Variants in ZNF804A observed in about 807,000 individuals in gnomAD.
ZNF804A encodes the protein zinc finger protein 804A.
Under a neutral mutation model 16.5 loss-of-function variants are expected in ZNF804A, and 2 were observed. The ratio of observed to expected loss-of-function variants is 0.12; its 90% confidence interval spans 0.05 to 0.38. The LOEUF (loss-of-function observed/expected upper bound fraction) is 0.38, where lower values mean the gene tolerates loss of function less well. Among genes scored for constraint, ZNF804A ranks in the 10% least tolerant of loss-of-function variants. The pLI is 0.99. For synonymous variants in ZNF804A, 534 were observed against 489.6 expected (o/e 1.09, Z -1.20); for missense variants, 1,473 against 1,390.7 (o/e 1.06, Z -0.94).
rs184359125 is a variant in ZNF804A, at chr2:184,637,468, C to T, written c.111+38398C>T. ...GCTGCAAAAGATGTTTTCTGTTTAA[C>T]GACAATTTAACATTTTATTGCTGTA... On this transcript the variant is annotated intron_variant, in intron 1 of 3. Transcript: ENST00000302277. Among the ~76,000 whole-genome samples the T allele has an allele frequency of 1.4e-3, 208 of 152,130 alleles. 3 individuals carry two copies. The Middle Eastern group carries it at 0.041, about 30-fold the overall frequency.
chr2:184,681,170 C>G (rs1692532836), intron 1 of ZNF804A, among the ~76,000 whole-genome samples: 1 of 152,156 alleles, frequency 6.6e-6, no homozygotes. Flanking sequence ...GGAATGAGCC[C>G]AGTGGGCCCA....
At chr2:184,616,489 A>G (rs1691322180) in intron 1 of ZNF804A, among the ~76,000 whole-genome samples, 1 of 152,164 alleles carries the variant, frequency 6.6e-6, no homozygotes, top group African/African-American at 2.4e-5. Flanking sequence ...CTGGCATATA[A>G]TAAAAGCTAT....
intron 1 of ZNF804A, among the ~76,000 whole-genome samples, chr2:184,662,651 C>A (rs1199554750): frequency 6.6e-6 from 1 of 152,002 alleles, no homozygotes; most frequent in African/African-American, 2.4e-5. Context: ...AAATTCATAC[C>A]AAAATAATTT....
intron 2 of ZNF804A, among the ~76,000 whole-genome samples, chr2:184,890,808 T>G (rs1020675381): frequency 6.6e-6 from 1 of 150,728 alleles, no homozygotes; most frequent in African/African-American, 2.4e-5. Flanking sequence ...TATATCTGAT[T>G]TATTATATTC....
intron 2 of ZNF804A, among the ~76,000 whole-genome samples, chr2:184,908,334 G>A (rs1221293292): frequency 6.6e-6 from 1 of 151,944 alleles, no homozygotes; most frequent in Non-Finnish European, 1.5e-5. Flanking sequence ...CTCAAGCTCT[G>A]CTTCTGCCAC....
At chr2:184,760,122 T>G (rs1694019675) in intron 1 of ZNF804A, among the ~76,000 whole-genome samples, 1 of 152,122 alleles carries the variant, frequency 6.6e-6, no homozygotes, top group South Asian at 2.1e-4. Context: ...CCATTTTCAC[T>G]TCTTTTGTGA....
At chr2:184,728,230 G>A (rs1398371543) in intron 1 of ZNF804A, among the ~76,000 whole-genome samples, 4 of 151,742 alleles carry the variant, frequency 2.6e-5, no homozygotes, top group South Asian at 4.1e-4. Context: ...TCTGAATTCC[G>A]AATATGAACA....
intron 2 of ZNF804A, among the ~76,000 whole-genome samples, chr2:184,884,067 C>T (rs930489870): frequency 6.6e-6 from 1 of 152,118 alleles, no homozygotes; most frequent in Non-Finnish European, 1.5e-5. Context: ...TCCATAGTCT[C>T]TGCCCCAAAG....
chr2:184,757,159 T>C (rs1023912016), intron 1 of ZNF804A, among the ~76,000 whole-genome samples: 4 of 152,032 alleles, frequency 2.6e-5, no homozygotes, highest in Non-Finnish European at 2.9e-5. Flanking sequence ...TGACCACATC[T>C]TTAATATTGT....
At chr2:184,682,094 T>C (rs1692551688) in intron 1 of ZNF804A, among the ~76,000 whole-genome samples, 1 of 151,946 alleles carries the variant, frequency 6.6e-6, no homozygotes, top group South Asian at 2.1e-4. Flanking sequence ...GAGGGCTGAG[T>C]CTTCGCATGG....
intron 1 of ZNF804A, among the ~76,000 whole-genome samples, chr2:184,806,936 A>T (rs1694816520): frequency 6.6e-6 from 1 of 151,840 alleles, no homozygotes; most frequent in Non-Finnish European, 1.5e-5. Context: ...TCATATTTGT[A>T]TGAAAATTCT....
chr2:184,852,713 C>T (rs561078864), intron 1 of ZNF804A, among the ~76,000 whole-genome samples: 1 of 151,740 alleles, frequency 6.6e-6, no homozygotes, highest in African/African-American at 2.4e-5. Flanking sequence ...CTATCCTTTC[C>T]CCATTGTGTG....
intron 1 of ZNF804A, among the ~76,000 whole-genome samples, chr2:184,776,794 C>T (rs1223705747): frequency 2.6e-5 from 4 of 151,580 alleles, no homozygotes; most frequent in African/African-American, 9.7e-5. Flanking sequence ...GTTATCCTAA[C>T]ATTGCTTAGC....
At chr2:184,798,259 GC>G (rs1694669418) in intron 1 of ZNF804A, among the ~76,000 whole-genome samples, 1 of 151,708 alleles carries the variant, frequency 6.6e-6, no homozygotes, top group Non-Finnish European at 1.5e-5. Context: ...TGTTCTTTGT[GC>G]TTTTTTTTAT....
chr2:184,756,417 G>C (rs1337418172), intron 1 of ZNF804A, among the ~76,000 whole-genome samples: 7 of 151,782 alleles, frequency 4.6e-5, no homozygotes, highest in African/African-American at 1.7e-4. Flanking sequence ...ATATGTTTCT[G>C]TAACTAAAGA....
At chr2:184,877,539 C>T (rs1684728426) in intron 2 of ZNF804A, among the ~76,000 whole-genome samples, 2 of 151,842 alleles carry the variant, frequency 1.3e-5, no homozygotes, top group Admixed American at 1.3e-4. Flanking sequence ...ATTCTCCTGG[C>T]ACCTATAGAA....
intron 1 of ZNF804A, among the ~76,000 whole-genome samples, chr2:184,806,673 A>G (rs892345822): frequency 6.6e-6 from 1 of 151,820 alleles, no homozygotes; most frequent in Non-Finnish European, 1.5e-5. Flanking sequence ...AGTAATGCAT[A>G]TTGTATATTA....
At chr2:184,840,864 G>C (rs1035250117) in intron 1 of ZNF804A, among the ~76,000 whole-genome samples, 2 of 151,878 alleles carry the variant, frequency 1.3e-5, no homozygotes, top group Non-Finnish European at 2.9e-5. Flanking sequence ...CTCAAACATA[G>C]ACCCTAGGTA....
At chr2:184,686,089 A>G (rs1469165822) in intron 1 of ZNF804A, among the ~76,000 whole-genome samples, 1 of 152,184 alleles carries the variant, frequency 6.6e-6, no homozygotes, top group African/African-American at 2.4e-5. Flanking sequence ...TCCACACTGG[A>G]GTGGGTGCTG....
Sources: allele counts gnomAD v4.1 joint callset (sites outside exome capture counted in the v4.1 genomes callset), GRCh38; gene constraint gnomAD v4.1.1; transcripts MANE v1.5; gene names NCBI Gene and HGNC (gene_info 2026-07-23, HGNC 2026-07-21).